DLGAP4: variants seen among roughly 807,000 people sequenced by gnomAD.
The protein encoded by DLGAP4 is disks large-associated protein 4.
Under a neutral mutation model 86.9 loss-of-function variants are expected in DLGAP4, and 18 were observed. The ratio of observed to expected loss-of-function variants is 0.21; its 90% CI spans 0.14 to 0.31. The LOEUF is 0.31. DLGAP4 is among the 10% of genes least tolerant of loss of function. The probability of loss-of-function intolerance (pLI) is 1.00; values close to 1 mark genes in which losing one functional copy is unlikely to be tolerated. For missense variants in DLGAP4, 1,085 were observed against 1,362.6 expected (o/e 0.80, Z 3.21); for synonymous variants, 548 against 574.3 (o/e 0.95, Z 0.65).
chr20:36,395,259 T>C (rs778180080), intron 2 of DLGAP4, among the ~76,000 whole-genome samples: 1 of 152,188 alleles, frequency 6.6e-6, no homozygotes, highest in Non-Finnish European at 1.5e-5. Flanking sequence ...GAAGGTATTG[T>C]TGCATGACAT....
intron 2 of DLGAP4, among the ~76,000 whole-genome samples, chr20:36,395,810 G>T (rs927023054): frequency 6.6e-6 from 1 of 152,124 alleles, no homozygotes; most frequent in African/African-American, 2.4e-5. Flanking sequence ...TCAGAGCAGG[G>T]GTGTGGCAAA....
At chr20:36,377,349 G>A (rs968433428) in intron 2 of DLGAP4, among the ~76,000 whole-genome samples, 6 of 152,172 alleles carry the variant, frequency 3.9e-5, no homozygotes, top group African/African-American at 1.4e-4. Context: ...CAGAGAGTGT[G>A]TGATTTCAGG....
intron 2 of DLGAP4, among the ~76,000 whole-genome samples, chr20:36,399,109 C>A (rs1361831274): frequency 6.6e-6 from 1 of 152,150 alleles, no homozygotes; most frequent in African/African-American, 2.4e-5. Context: ...ACAAGAATTT[C>A]TTGAACCCAG....
intron 2 of DLGAP4, among the ~76,000 whole-genome samples, chr20:36,388,387 C>T (rs1000237280): frequency 6.6e-6 from 1 of 152,218 alleles, no homozygotes; most frequent in African/African-American, 2.4e-5. Flanking sequence ...GTTGGCCTCC[C>T]TGTGTCCCAC....
chr20:36,475,290 T>C (rs528317356), intron 7 of DLGAP4, among the ~76,000 whole-genome samples: 1 of 152,302 alleles, frequency 6.6e-6, no homozygotes, highest in African/African-American at 2.4e-5. Flanking sequence ...TGACTCACTG[T>C]AGCCTCGCCT....
At position 36,500,388 on chromosome 20, in the gene DLGAP4, C is replaced by A. The variant is rs760710727; in HGVS notation, c.2289C>A (p.Ser763=). The change falls in exon 10 of 13, where the codon TCC becomes TCA. Residue 763 remains serine, a synonymous_variant. Coordinates refer to ENST00000339266, the MANE Select transcript of DLGAP4 (RefSeq NM_001365621.2). This position sits in a 1 kb window ranked among gnomAD's most constrained non-coding sequence, Gnocchi z 4.6. ...PKIAQIKRNL[S]YGDNSDPALE... is the part of the protein sequence containing the mutation. ...TTGCCCAGATCAAGCGCAACCTCTC[C>A]TATGGAGACAACAGCGACCCTGCCC... 3 of 1,603,008 alleles carry A rather than the reference C, an allele frequency of 1.9e-6. No homozygotes were observed. Among genetic ancestry groups the A allele is most frequent in the Non-Finnish European group, 1.7e-6 (2 of 1,174,508 alleles).
chr20:36,519,957 G>GTT (rs58243787), intron 10 of DLGAP4, among the ~76,000 whole-genome samples: 4 of 138,388 alleles, frequency 2.9e-5, no homozygotes, highest in Non-Finnish European at 4.6e-5. Context: ...TGCCCAGTTT[G>GTT]TTTTTTTTTT....
chr20:36,516,068 G>T, intron 10 of DLGAP4, among the ~76,000 whole-genome samples: 1 of 148,918 alleles, frequency 6.7e-6, no homozygotes, highest in Non-Finnish European at 1.5e-5. Context: ...AACAGCAAAG[G>T]AGAACAGCTG....
intron 10 of DLGAP4, among the ~76,000 whole-genome samples, chr20:36,504,772 A>T (rs1369721535): frequency 6.6e-6 from 1 of 152,160 alleles, no homozygotes; most frequent in Non-Finnish European, 1.5e-5. Context: ...GCATCTTTTC[A>T]TGTGTCTGTT....
intron 2 of DLGAP4, among the ~76,000 whole-genome samples, chr20:36,404,595 C>T (rs371676954): frequency 6.6e-6 from 1 of 152,154 alleles, no homozygotes; most frequent in African/African-American, 2.4e-5. Context: ...TACGAGAGAC[C>T]GTGAATGAGG....
At chr20:36,517,283 C>G (rs2037101072) in intron 10 of DLGAP4, among the ~76,000 whole-genome samples, 2 of 152,040 alleles carry the variant, frequency 1.3e-5, no homozygotes. Context: ...GAGGCTGAGG[C>G]ATGAGAATTG....
chr20:36,321,619 C>A (rs553930164), intron 1 of DLGAP4, among the ~76,000 whole-genome samples: 5 of 152,350 alleles, frequency 3.3e-5, no homozygotes, highest in African/African-American at 1.2e-4. Flanking sequence ...TCTAGGAGGG[C>A]TCAGTGCTTG....
chr20:36,491,478 GT>G (rs2035660099), intron 7 of DLGAP4, among the ~76,000 whole-genome samples: 1 of 152,282 alleles, frequency 6.6e-6, no homozygotes, highest in African/African-American at 2.4e-5. Context: ...ATGGGGATGG[GT>G]GGTTTCACGT....
chr20:36,363,529 G>A lies in DLGAP4; in HGVS notation c.-303-3516G>A, dbSNP rs546428698. On this transcript the variant is annotated intron_variant, in intron 1 of 12. Coordinates refer to ENST00000339266, the MANE Select transcript of DLGAP4 (RefSeq NM_001365621.2). Reference sequence around the variant, plus strand: ...ACCGGTGGCACTGCTGATGGCTTGCGTGTGAGAGGGGAGGGTGGGAGAGAC... The same window carrying A: ...ACCGGTGGCACTGCTGATGGCTTGCATGTGAGAGGGGAGGGTGGGAGAGAC... Among the ~76,000 whole-genome samples, 4 of 152,288 alleles carry A rather than the reference G, an allele frequency of 2.6e-5. No homozygotes were observed. The East Asian group carries it at 7.7e-4, about 29-fold the overall frequency.
Position 36,432,828 on chromosome 20 carries a change from G to A in DLGAP4, c.999+112G>A, listed in dbSNP as rs2033165886. 2 of 1,382,694 alleles carry A rather than the reference G, an allele frequency of 1.4e-6. No homozygotes were observed. The highest frequency in any genetic ancestry group is 1.4e-5 in the South Asian group (1 of 71,140). 85.7% of individuals were successfully genotyped at this position (1,382,694 alleles called of 1,614,324 possible). On this transcript the variant is annotated intron_variant, in intron 3 of 12. Transcript: ENST00000339266. The surrounding 1 kb of genome is among the most constrained non-coding windows in gnomAD (Gnocchi z 6.5). ...GAAAGTCACTTCATTCTGGGCCTCTGTGGCTCAGCTATAAAATGGGTGGCC... is the reference window on the plus strand; with the variant it reads ...GAAAGTCACTTCATTCTGGGCCTCTATGGCTCAGCTATAAAATGGGTGGCC...
At chr20:36,329,480 G>A (rs148835088) in intron 1 of DLGAP4, among the ~76,000 whole-genome samples, 137 of 152,354 alleles carry the variant, frequency 9.0e-4, no homozygotes, top group African/African-American at 3.2e-3. Context: ...GCCAGACACA[G>A]CGCAAACCTT....
intron 2 of DLGAP4, among the ~76,000 whole-genome samples, chr20:36,416,473 G>T (rs1480564553): frequency 6.6e-6 from 1 of 152,220 alleles, no homozygotes; most frequent in Non-Finnish European, 1.5e-5. Flanking sequence ...GGGACTCCAG[G>T]ACAGTTGGTG....
At chr20:36,347,943 A>C (rs1263598153) in intron 1 of DLGAP4, among the ~76,000 whole-genome samples, 2 of 152,094 alleles carry the variant, frequency 1.3e-5, no homozygotes, top group African/African-American at 2.4e-5. Flanking sequence ...AGACTTCTTC[A>C]ATAAAGAGTT....
chr20:36,397,344 A>C (rs1407786841), intron 2 of DLGAP4, among the ~76,000 whole-genome samples: 3 of 152,198 alleles, frequency 2.0e-5, no homozygotes, highest in Non-Finnish European at 4.4e-5. Flanking sequence ...AACCAAAGCT[A>C]TTCTATCCAG....
Sources: allele counts gnomAD v4.1 joint callset (sites outside exome capture counted in the v4.1 genomes callset), GRCh38; gene constraint gnomAD v4.1.1; non-coding constraint Gnocchi (gnomAD v3.1); transcripts MANE v1.5; gene names NCBI Gene and HGNC (gene_info 2026-07-23, HGNC 2026-07-21).